Variants in BRD3 observed in about 807,000 individuals in gnomAD.
The protein encoded by BRD3 is bromodomain containing 3.
In BRD3, 17 loss-of-function variants were observed where a neutral mutation model predicts 66.8. That is an observed-to-expected ratio of 0.25 (90% CI 0.17 to 0.38). The LOEUF (loss-of-function observed/expected upper bound fraction) is 0.38. BRD3 is among the 10% of genes least tolerant of loss of function. The pLI, the probability that BRD3 is intolerant of heterozygous loss-of-function variation, is 1.00. For missense variants in BRD3, 713 were observed against 956.1 expected (o/e 0.75, Z 3.35); for synonymous variants, 421 against 393.2 (o/e 1.07, Z -0.84).
At chr9:134,051,871 G>GTTTTTTTTTTTTTTTTTTT (rs1564555774) in intron 3 of BRD3, among the ~76,000 whole-genome samples, 162 bp from the exon 4 acceptor site, 2 of 110,542 alleles carry the variant, frequency 1.8e-5, no homozygotes, top group African/African-American at 8.6e-5. Context: ...GTGTGTGTGT[G>GTTTTTTTTTTTTTTTTTTT]TGTGTGTTGT....
Position 134,041,868 on chromosome 9 carries a change from C to T in BRD3, c.1299G>A (p.Val433=). ...PALPAPAAPM[V]SKGAESSRSS... is the part of the protein sequence containing the mutation. The stretch of plus-strand genomic sequence containing the variant: ...TACGGCTGCTCTCAGCGCCCTTGCT[C>T]ACCATGGGGGCCGCGGGGGCAGGCA... The change falls in exon 8 of 12, where the codon GTG becomes GTA. Residue 433 remains valine (V), a synonymous_variant. Coordinates refer to ENST00000303407, the MANE Select transcript of BRD3 (RefSeq NM_007371.4). 1.2e-6 allele frequency: 2 copies of T among 1,612,704 alleles called. No individual in the cohort carries two copies. Among genetic ancestry groups the T allele is most frequent in the South Asian group, 1.1e-5 (1 of 90,944 alleles).
chr9:134,041,039 C>T (rs1412215763), intron 8 of BRD3, among the ~76,000 whole-genome samples: 3 of 152,210 alleles, frequency 2.0e-5, no homozygotes, highest in African/African-American at 7.2e-5. Flanking sequence ...GTCTTCCCTG[C>T]TGTGTGTCCT....
intron 1 of BRD3, among the ~76,000 whole-genome samples, chr9:134,059,806 G>C (rs568881395): frequency 6.6e-6 from 1 of 152,328 alleles, no homozygotes; most frequent in East Asian, 1.9e-4. Flanking sequence ...GCTCTTTGCT[G>C]TGCGGGCAAG....
Position 134,065,102 on chromosome 9 carries a change from G to A in BRD3, c.-114+2843C>T, listed in dbSNP as rs539762024. On this transcript the variant is annotated intron_variant, in intron 1 of 11. Coordinates refer to ENST00000303407, the MANE Select transcript of BRD3 (RefSeq NM_007371.4). ...CCATGATTCATCCAGTTACCTTCTA[G>A]CTTCAACCAGATACTGGCTTCGTGA... Among the ~76,000 whole-genome samples, 340 of 152,300 alleles carry A rather than the reference G, an allele frequency of 2.2e-3. 3 individuals are homozygous for A. Among genetic ancestry groups the A allele is most frequent in the Non-Finnish European group, 3.9e-3 (262 of 68,022 alleles).
intron 1 of BRD3, among the ~76,000 whole-genome samples, chr9:134,065,270 A>G (rs1217003699): frequency 6.6e-6 from 1 of 152,148 alleles, no homozygotes; most frequent in African/African-American, 2.4e-5. Flanking sequence ...TAAAAATACA[A>G]AAAATTAGCT....
intron 10 of BRD3, among the ~76,000 whole-genome samples, chr9:134,035,386 C>A (rs1266263889): frequency 1.3e-5 from 2 of 152,192 alleles, no homozygotes; most frequent in African/African-American, 4.8e-5. Flanking sequence ...TTCAAGTGAG[C>A]CCTGCACTCA....
At chr9:134,048,041 G>C (rs200486632) in intron 6 of BRD3, 42 bp downstream of exon 6, 4 of 1,506,418 alleles carry the variant, frequency 2.7e-6, no homozygotes, top group Non-Finnish European at 3.5e-6. Flanking sequence ...CGGCAGAGCC[G>C]CAGGACATGG....
chr9:134,037,844 A>G (rs566168407), intron 9 of BRD3, among the ~76,000 whole-genome samples: 3 of 152,350 alleles, frequency 2.0e-5, no homozygotes, highest in Admixed American at 6.5e-5. Context: ...ACATCACTAC[A>G]GGCCCTACAG....
intron 3 of BRD3, 137 bp from the exon 4 acceptor site, chr9:134,051,846 TA>T: frequency 2.6e-6 from 2 of 770,288 alleles, no homozygotes; most frequent in Admixed American, 3.7e-5. Flanking sequence ...AAAATGAATA[TA>T]TGTGTGTGTG....
chr9:134,068,529 A>C (rs992560179), upstream of BRD3: 1 of 148,108 alleles, frequency 6.8e-6, no homozygotes, highest in Non-Finnish European at 1.5e-5. Flanking sequence ...GCGCCTAATT[A>C]GCCTGGCGGG....
rs199538941 is a variant in BRD3 at position 134,036,286 on chromosome 9, T to C, written c.1682A>G (p.Tyr561Cys). The C allele has an allele frequency of 6.8e-5, 110 of 1,611,498 alleles. No homozygotes were observed. Among genetic ancestry groups the C allele is most frequent in the Non-Finnish European group, 8.8e-5 (104 of 1,178,642 alleles). ...KKGGKQASAS[Y>C]DSEEEEEGLP... ...GCCCTCCTCCTCTTCCTCTGAGTCGTAGGAGGCAGATGCCTGCTTGCCGCC... is the reference window on the plus strand; with the variant it reads ...GCCCTCCTCCTCTTCCTCTGAGTCGCAGGAGGCAGATGCCTGCTTGCCGCC... Residue 561 changes from tyrosine (Y) to cysteine (C), a missense_variant, in exon 10 of 12, where the codon TAC becomes TGC. This residue lies in a region of BRD3 where 418 missense variants were observed against 609.3 expected (regional missense o/e 0.69). Transcript: ENST00000303407.
intron 9 of BRD3, among the ~76,000 whole-genome samples, chr9:134,037,328 T>C (rs1440617350): frequency 1.3e-5 from 2 of 152,274 alleles, no homozygotes; most frequent in Non-Finnish European, 2.9e-5. Flanking sequence ...TCCCAGCACT[T>C]TGGGAGGCCA....
chr9:134,034,123 A>T (rs1843561066), intron 11 of BRD3, among the ~76,000 whole-genome samples: 1 of 152,196 alleles, frequency 6.6e-6, no homozygotes, highest in South Asian at 2.1e-4. Context: ...ACCATGTCGC[A>T]AGGCCATGGC....
In BRD3 at chr9:134,031,581, A is replaced by G. The variant is rs926459360; in HGVS notation, c.*2009T>C. ...ACAAAACTTAATTAAAAGTTTAACA[A>G]ACTGGCTGAAAACTCACCAAGTGTC... On this transcript the variant is annotated 3_prime_UTR_variant, in exon 12 of 12. Coordinates refer to ENST00000303407, the MANE Select transcript of BRD3 (RefSeq NM_007371.4). 27 of 209,438 alleles carry G rather than the reference A, an allele frequency of 1.3e-4. No homozygotes were observed. The highest frequency in any genetic ancestry group is 1.8e-4 in the Non-Finnish European group (19 of 103,182). 13.0% of individuals were successfully genotyped at this position (209,438 alleles called of 1,614,324 possible).
Position 134,051,444 on chromosome 9 carries a change from C to T in BRD3, c.499+118G>A, listed in dbSNP as rs868574031. ...ACACTCATCCAAGACCCGGCACCCA[C>T]GAGCTCGTCACGACAGATGGGAAAC... On this transcript the variant is annotated intron_variant, in intron 4 of 11. Coordinates refer to ENST00000303407, the MANE Select transcript of BRD3 (RefSeq NM_007371.4). The T allele has an allele frequency of 5.6e-5, 63 of 1,129,654 alleles. No homozygotes were observed. In the African/African-American group the frequency reaches 8.9e-4, roughly 16 times the overall value. The allele number at this position is 1,129,654 out of a possible 1,614,324, so 70.0% of individuals were successfully genotyped here. A position where few individuals can be genotyped will look rare whatever the true frequency, so the allele number is the denominator to read the frequency against.
At chr9:134,054,688 G>A (rs1311329535) in intron 1 of BRD3, among the ~76,000 whole-genome samples, 3 of 152,204 alleles carry the variant, frequency 2.0e-5, no homozygotes, top group African/African-American at 7.2e-5. Flanking sequence ...CCGGCCACTT[G>A]TAGACGCTCG....
chr9:134,051,288 T>TG lies in BRD3; in HGVS notation c.499+273dup, dbSNP rs562483983. ...GGAAGGGGGAGCAGGATTTGGGAGG[T>TG]GGAGAGCAGGGACAGGTGATCCTCC... On this transcript the variant is annotated intron_variant, in intron 4 of 11. Coordinates refer to ENST00000303407, the MANE Select transcript of BRD3 (RefSeq NM_007371.4). Among the ~76,000 whole-genome samples, 31 of 151,510 alleles carry TG rather than the reference T, an allele frequency of 2.0e-4. No homozygotes were observed. In the East Asian group the frequency reaches 5.3e-3, roughly 26 times the overall value.
chr9:134,050,187 T>A (rs1352429513), intron 5 of BRD3, among the ~76,000 whole-genome samples, 187 bp downstream of exon 5: 1 of 152,064 alleles, frequency 6.6e-6, no homozygotes, highest in Non-Finnish European at 1.5e-5. Flanking sequence ...GACCTTCAGC[T>A]CCCCAGGCCT....
At chr9:134,047,945 GC>G in intron 6 of BRD3, 137 bp downstream of exon 6, 1 of 1,237,062 alleles carries the variant, frequency 8.1e-7, no homozygotes, top group Non-Finnish European at 1.1e-6. Context: ...CGCTGCGGGG[GC>G]CAGCCTGGAG....
Sources: allele counts gnomAD v4.1 joint callset (sites outside exome capture counted in the v4.1 genomes callset), GRCh38; gene constraint gnomAD v4.1.1; regional missense constraint gnomAD v4.1.1; transcripts MANE v1.5; gene names NCBI Gene and HGNC (gene_info 2026-07-23, HGNC 2026-07-21).